Variants in ENTPD3 observed in about 807,000 individuals in gnomAD.
The protein encoded by ENTPD3 is ectonucleoside triphosphate diphosphohydrolase 3.
Under a neutral mutation model 51.2 loss-of-function variants are expected in ENTPD3, and 60 were observed. The ratio of observed to expected loss-of-function variants is 1.17; its 90% CI spans 0.95 to 1.45. The LOEUF is 1.45. Among genes scored for constraint, ENTPD3 ranks in the 40% most tolerant of loss-of-function variants. The pLI, the probability that ENTPD3 is intolerant of heterozygous loss-of-function variation, is 0.00. For missense variants in ENTPD3, 593 were observed against 641.1 expected (o/e 0.93, Z 0.81); for synonymous variants, 221 against 238.4 (o/e 0.93, Z 0.67).
At position 40,411,890 on chromosome 3, in the gene ENTPD3, G is replaced by A. The variant is rs748801964; in HGVS notation, c.365G>A (p.Gly122Glu). 5 of 1,612,720 alleles carry A rather than the reference G, an allele frequency of 3.1e-6. No individual in the cohort carries two copies. The South Asian group carries it at 5.5e-5, about 18-fold the overall frequency. ...GAGGAGTGTATGCAAAAAGTCAAGG[G>A]GCAGGTTCCATCCCACCTCCACGGA... ...AFEECMQKVK[G>E]QVPSHLHGST... Residue 122 changes from glycine to glutamate, a missense_variant, in exon 5 of 11, where the codon GGG becomes GAG. Coordinates refer to ENST00000301825, the MANE Select transcript of ENTPD3 (RefSeq NM_001248.4).
At chr3:40,420,460 C>T (rs1038618894) in intron 7 of ENTPD3, among the ~76,000 whole-genome samples, 1 of 151,878 alleles carries the variant, frequency 6.6e-6, no homozygotes, top group Non-Finnish European at 1.5e-5. Context: ...AGGATGGCCT[C>T]GATCTCCTGA....
chr3:40,421,645 T>C (rs561106049), intron 7 of ENTPD3, among the ~76,000 whole-genome samples: 1 of 152,224 alleles, frequency 6.6e-6, no homozygotes, highest in Admixed American at 6.5e-5. Flanking sequence ...TTAAATAAAG[T>C]ATGGTTTATT....
Position 40,427,262 on chromosome 3 carries a change from T to C in ENTPD3, c.1354-10T>C, listed in dbSNP as rs1408691137. On this transcript the variant is annotated splice_polypyrimidine_tract_variant and intron_variant, in intron 10 of 10. Transcript: ENST00000301825. ...GCCCTGAGCGCTGAGCCATCTCCTC[T>C]ACTCCACAGGTGGGGAATAGCAGCA... 1.9e-6 allele frequency: 3 copies of C among 1,611,148 alleles called. No individual in the cohort carries two copies. The highest frequency in any genetic ancestry group is 8.5e-7 in the Non-Finnish European group (1 of 1,177,352).
At chr3:40,391,978 G>A (rs1955068062) in intron 2 of ENTPD3, 45 bp from the exon 3 acceptor site, 4 of 1,611,638 alleles carry the variant, frequency 2.5e-6, no homozygotes, top group African/African-American at 1.3e-5. Context: ...CCAGTGCCTG[G>A]TTTTTACCTC....
rs1047070265 is a variant in ENTPD3, at chr3:40,427,899, A to G, written c.*391A>G. On this transcript the variant is annotated 3_prime_UTR_variant, in exon 11 of 11. Transcript: ENST00000301825. ...TATTCTTCCTGGCAAGATACCCATTAAGCATTTCGCCAATCAGAATCTCAT... is the reference window on the plus strand; with the variant it reads ...TATTCTTCCTGGCAAGATACCCATTGAGCATTTCGCCAATCAGAATCTCAT... 2 of 218,932 alleles carry G rather than the reference A, an allele frequency of 9.1e-6. No individual in the cohort carries two copies. Among genetic ancestry groups the G allele is most frequent in the Non-Finnish European group, 1.8e-5 (2 of 108,848 alleles). The allele number at this position is 218,932 out of a possible 1,614,324, so 13.6% of individuals were successfully genotyped here.
Position 40,427,738 on chromosome 3 carries a change from G to C in ENTPD3, c.*230G>C, listed in dbSNP as rs780940239. On this transcript the variant is annotated 3_prime_UTR_variant, in exon 11 of 11. Coordinates refer to ENST00000301825, the MANE Select transcript of ENTPD3 (RefSeq NM_001248.4). Reference sequence around the variant, plus strand: ...CTCACTACCCACATGCTGATCTATTGGGGAACAGAGAAGAGACAGGCCACG... The same window carrying C: ...CTCACTACCCACATGCTGATCTATTCGGGAACAGAGAAGAGACAGGCCACG... 191 of 552,060 alleles carry C rather than the reference G, an allele frequency of 3.5e-4. No homozygotes were observed. The highest frequency in any genetic ancestry group is 3.0e-3 in the Middle Eastern group (6 of 2,030). The allele number at this position is 552,060 out of a possible 1,614,324, so 34.2% of individuals were successfully genotyped here.
chr3:40,423,506 A>G (rs978152305), intron 9 of ENTPD3, 105 bp downstream of exon 9: 11 of 840,274 alleles, frequency 1.3e-5, no homozygotes, highest in South Asian at 8.6e-5. Context: ...TTCTATTTCC[A>G]TCACATCTGT....
intron 4 of ENTPD3, among the ~76,000 whole-genome samples, chr3:40,407,956 G>A (rs1196613407): frequency 6.6e-6 from 1 of 152,102 alleles, no homozygotes; most frequent in Non-Finnish European, 1.5e-5. Context: ...ATCTGAATCT[G>A]ATCACATTTC....
chr3:40,402,501 C>A (rs1013366839), intron 4 of ENTPD3, among the ~76,000 whole-genome samples: 1 of 151,978 alleles, frequency 6.6e-6, no homozygotes, highest in Non-Finnish European at 1.5e-5. Context: ...ATAGGCATTT[C>A]TGTTTTCTGT....
Position 40,400,941 on chromosome 3 carries a change from G to C in ENTPD3, c.216G>C (p.Val72=), listed in dbSNP as rs751499090. Residue 72 remains valine (V), a synonymous_variant, in exon 4 of 11, where the codon GTG becomes GTC. Coordinates refer to ENST00000301825, the MANE Select transcript of ENTPD3 (RefSeq NM_001248.4). Reference sequence around the variant, plus strand: ...GGTCTTCAAGAACCACAGTCTACGTGTATCAATGGCCAGCAGAAAAAGAGA... The same window carrying C: ...GGTCTTCAAGAACCACAGTCTACGTCTATCAATGGCCAGCAGAAAAAGAGA... The part of the protein sequence containing the change: ...DAGSSRTTVY[V]YQWPAEKENN... 6.2e-7 allele frequency: 1 copy of C among 1,613,818 alleles called. No homozygotes were observed. Among genetic ancestry groups the C allele is most frequent in the Non-Finnish European group, 8.5e-7 (1 of 1,180,024 alleles).
At position 40,427,497 on chromosome 3, in the gene ENTPD3, G is replaced by A; in HGVS notation, c.1579G>A (p.Asp527Asn). Residue 527 changes from aspartate (D) to asparagine (N), a missense_variant, in exon 11 of 11, where the codon GAT becomes AAT. By Grantham distance (23) the Asp-to-Asn change is conservative (BLOSUM62 1). Transcript: ENST00000301825. ...HSEHAFDHAV[D>N]SD ...CGAGCATGCCTTTGACCATGCAGTG[G>A]ATTCTGACTGAGCCTTCAAAGCAGC... The A allele has an allele frequency of 6.2e-7, 1 of 1,613,596 alleles. No homozygotes were observed. The highest frequency in any genetic ancestry group is 8.5e-7 in the Non-Finnish European group (1 of 1,179,542).
At chr3:40,391,889 A>G (rs1381562834) in intron 2 of ENTPD3, 134 bp from the exon 3 acceptor site, 3 of 979,710 alleles carry the variant, frequency 3.1e-6, no homozygotes, top group Non-Finnish European at 4.7e-6. Context: ...CCATCTTAGA[A>G]GTGTGGGTCT....
At chr3:40,393,904 C>T (rs1433496951) in intron 3 of ENTPD3, among the ~76,000 whole-genome samples, 2 of 151,448 alleles carry the variant, frequency 1.3e-5, no homozygotes, top group East Asian at 3.9e-4. Context: ...ATTAGCTGGG[C>T]GTGGTGGTGG....
At chr3:40,394,782 G>A (rs1222481119) in intron 3 of ENTPD3, among the ~76,000 whole-genome samples, 1 of 152,174 alleles carries the variant, frequency 6.6e-6, no homozygotes, top group African/African-American at 2.4e-5. Flanking sequence ...GATGTGGGAA[G>A]GTTTGTTGAA....
At chr3:40,403,653 ATT>A (rs112252461) in intron 4 of ENTPD3, among the ~76,000 whole-genome samples, 539 of 139,916 alleles carry the variant, frequency 3.9e-3, no homozygotes, top group African/African-American at 0.013. Flanking sequence ...TTTTCCTTTA[ATT>A]TTTTTTTTTT....
Position 40,423,947 on chromosome 3 carries a change from TA to T in ENTPD3, c.1338del (p.His447ThrfsTer11), listed in dbSNP as rs760283081. ...TTCACAGAGGAGACTTGGCCCCAAA[TA>T]CACTTTGAAAAAGAAGTAAGTTAAG... Reference protein sequence around the residue: ...YKFTEETWPQIHFEKEVGNSS... With the variant: ...YKFTEETWPQXHFEKEVGNSS... On this transcript the variant is annotated frameshift_variant, in exon 10 of 11. Coordinates refer to ENST00000301825, the MANE Select transcript of ENTPD3 (RefSeq NM_001248.4). LOFTEE classifies it low-confidence loss of function (END_TRUNC). 5 of 1,614,114 alleles carry T rather than the reference TA, an allele frequency of 3.1e-6. No individual in the cohort carries two copies. In the Admixed American group the frequency reaches 6.7e-5, roughly 22 times the overall value.
intron 4 of ENTPD3, 109 bp downstream of exon 4, chr3:40,401,120 C>A: frequency 1.2e-6 from 1 of 801,318 alleles, no homozygotes; most frequent in Non-Finnish European, 2.2e-6. Context: ...AGGGAATGAG[C>A]ATTGGACTGG....
intron 7 of ENTPD3, among the ~76,000 whole-genome samples, chr3:40,417,658 T>C: frequency 6.6e-6 from 1 of 152,096 alleles, no homozygotes; most frequent in East Asian, 1.9e-4. Context: ...AACCAAACCC[T>C]ACAGGTAACT....
At chr3:40,411,344 A>G (rs1356274547) in intron 4 of ENTPD3, among the ~76,000 whole-genome samples, 1 of 152,048 alleles carries the variant, frequency 6.6e-6, no homozygotes, top group Non-Finnish European at 1.5e-5. Context: ...TTTAATTTGT[A>G]CAGGTATAAT....
Sources: allele counts gnomAD v4.1 joint callset (sites outside exome capture counted in the v4.1 genomes callset), GRCh38; gene constraint gnomAD v4.1.1; transcripts MANE v1.5; gene names NCBI Gene and HGNC (gene_info 2026-07-23, HGNC 2026-07-21).